GREB1L: variants seen among roughly 807,000 people sequenced by gnomAD.
GREB1L encodes the protein GREB1 like retinoic acid receptor coactivator, also known as GREB1-like protein.
GREB1L carries 17 observed loss-of-function variants against 200.8 expected under a neutral mutation model. The observed-to-expected ratio is 0.08, with a 90% confidence interval of 0.06 to 0.13. The LOEUF is 0.13. Among genes scored for constraint, GREB1L ranks in the 10% least tolerant of loss-of-function variants. The pLI, the probability that GREB1L is intolerant of heterozygous loss-of-function variation, is 1.00. For missense variants in GREB1L, 1,657 were observed against 2,367.7 expected, an observed-to-expected ratio of 0.70 and a Z score of 6.23; for synonymous variants, 789 against 893.0, an observed-to-expected ratio of 0.88 and a Z score of 2.08.
rs539472110 is a variant in GREB1L at position 21,400,580 on chromosome 18, C to G, written c.533-570C>G. On this transcript the variant is annotated intron_variant, in intron 5 of 32. Transcript: ENST00000424526. ...ACATGTGGCTGACATAACCCTAATT[C>G]GGATTCCAATTCTCTAAAACCTTAC... 5.9e-5 allele frequency among the ~76,000 whole-genome samples: 9 copies of G among 152,280 alleles called. No homozygotes were observed. The South Asian group carries it at 1.9e-3, about 32-fold the overall frequency.
chr18:21,479,665 C>T (rs1384202801), intron 17 of GREB1L, among the ~76,000 whole-genome samples: 1 of 149,148 alleles, frequency 6.7e-6, no homozygotes, highest in African/African-American at 2.5e-5. Flanking sequence ...AGAGACATAG[C>T]AAGACCCTGT....
intron 11 of GREB1L, among the ~76,000 whole-genome samples, chr18:21,446,239 G>T (rs2034210866): frequency 6.6e-6 from 1 of 152,172 alleles, no homozygotes; most frequent in Non-Finnish European, 1.5e-5. Flanking sequence ...TGGCCAGGCT[G>T]GTCTCAAACT....
At chr18:21,364,472 A>G (rs1323470020) in intron 1 of GREB1L, among the ~76,000 whole-genome samples, 11 of 151,896 alleles carry the variant, frequency 7.2e-5, no homozygotes, top group Admixed American at 6.6e-4. Context: ...AGGGGGCAAT[A>G]TGATTGCAAA....
chr18:21,293,482 G>A (rs2038481266), intron 1 of GREB1L, among the ~76,000 whole-genome samples: 1 of 152,208 alleles, frequency 6.6e-6, no homozygotes, highest in African/African-American at 2.4e-5. Flanking sequence ...TGAATTACCA[G>A]AAGAAGGCAA....
intron 1 of GREB1L, among the ~76,000 whole-genome samples, chr18:21,312,263 T>C (rs2038803519): frequency 6.6e-6 from 1 of 152,202 alleles, no homozygotes; most frequent in Admixed American, 6.5e-5. Context: ...TCTTTGCTAT[T>C]GTGAATAGTG....
intron 7 of GREB1L, among the ~76,000 whole-genome samples, chr18:21,412,923 GATGCT>G (rs2031225760): frequency 6.6e-6 from 1 of 152,104 alleles, no homozygotes; most frequent in Non-Finnish European, 1.5e-5. Context: ...CATAGGCAGG[GATGCT>G]ATGGTGTAAT....
intron 7 of GREB1L, among the ~76,000 whole-genome samples, chr18:21,432,792 C>T (rs546181567): frequency 5.7e-4 from 85 of 148,282 alleles, no homozygotes; most frequent in African/African-American, 1.9e-3. Context: ...CTGCAACCTC[C>T]GCCTCCCAGG....
intron 7 of GREB1L, among the ~76,000 whole-genome samples, chr18:21,408,624 G>A (rs556650468): frequency 2.6e-5 from 4 of 152,012 alleles, no homozygotes; most frequent in South Asian, 2.1e-4. Flanking sequence ...GAGAAACTCC[G>A]TCTCTACTAA....
At chr18:21,479,021 A>G (rs1159991612) in intron 17 of GREB1L, among the ~76,000 whole-genome samples, 1 of 152,116 alleles carries the variant, frequency 6.6e-6, no homozygotes, top group East Asian at 1.9e-4. Flanking sequence ...AGCTGAGATT[A>G]CAGGTGCTCG....
At chr18:21,440,234 CTA>C in intron 8 of GREB1L, 33 bp from the exon 9 acceptor site, 8 of 1,549,932 alleles carry the variant, frequency 5.2e-6, no homozygotes, top group Non-Finnish European at 7.0e-6. Context: ...GAGAACAAGA[CTA>C]TCTCTTTTTT....
intron 1 of GREB1L, among the ~76,000 whole-genome samples, chr18:21,268,203 T>G (rs149854930): frequency 6.6e-6 from 1 of 152,158 alleles, no homozygotes; most frequent in African/African-American, 2.4e-5. Context: ...AAAGCAGCAC[T>G]TTCATCCATA....
chr18:21,260,548 G>A (rs2037872664), intron 1 of GREB1L, among the ~76,000 whole-genome samples: 1 of 151,998 alleles, frequency 6.6e-6, no homozygotes, highest in Non-Finnish European at 1.5e-5. Flanking sequence ...GTTTTCCAGA[G>A]ACTTAACATG....
chr18:21,429,269 T>C (rs1364314388), intron 7 of GREB1L, among the ~76,000 whole-genome samples: 6 of 105,648 alleles, frequency 5.7e-5, no homozygotes, highest in African/African-American at 1.8e-4. Flanking sequence ...TGTCCTCTCC[T>C]CTCCTCTCCT....
chr18:21,510,331 A>G (rs1414065799), intron 27 of GREB1L, among the ~76,000 whole-genome samples: 1 of 152,206 alleles, frequency 6.6e-6, no homozygotes, highest in Non-Finnish European at 1.5e-5. Flanking sequence ...CTTGTGAAAC[A>G]GAAACTCTAT....
intron 31 of GREB1L, 32 bp downstream of exon 31, chr18:21,518,266 C>T (rs2037492485): frequency 6.5e-7 from 1 of 1,527,034 alleles, no homozygotes; most frequent in East Asian, 2.5e-5. Flanking sequence ...CTGTGCTTAC[C>T]TACATCCATC....
At chr18:21,406,311 C>T (rs2030227524) in intron 7 of GREB1L, among the ~76,000 whole-genome samples, 1 of 152,158 alleles carries the variant, frequency 6.6e-6, no homozygotes, top group Non-Finnish European at 1.5e-5. Context: ...AAGGGGAAGG[C>T]ACTGACTGAC....
chr18:21,314,910 C>T (rs552390848), intron 1 of GREB1L, among the ~76,000 whole-genome samples: 10 of 152,244 alleles, frequency 6.6e-5, no homozygotes, highest in African/African-American at 2.4e-4. Context: ...TCAAAAGATA[C>T]TAGGTGAGTC....
At chr18:21,485,095 G>A (rs1252154522) in intron 17 of GREB1L, among the ~76,000 whole-genome samples, 1 of 152,036 alleles carries the variant, frequency 6.6e-6, no homozygotes. Flanking sequence ...CATCAAGAGG[G>A]GGCTACGTTA....
At chr18:21,440,236 A>G in intron 8 of GREB1L, 33 bp from the exon 9 acceptor site, 2 of 1,550,132 alleles carry the variant, frequency 1.3e-6, no homozygotes, top group Non-Finnish European at 1.7e-6. Flanking sequence ...GAACAAGACT[A>G]TCTCTTTTTT....
Sources: allele counts gnomAD v4.1 joint callset (sites outside exome capture counted in the v4.1 genomes callset), GRCh38; gene constraint gnomAD v4.1.1; transcripts MANE v1.5; gene names NCBI Gene and HGNC (gene_info 2026-07-23, HGNC 2026-07-21).